The following PCDHA13 variants were observed in gnomAD, a reference collection of about 807,000 sequenced individuals.
PCDHA13 encodes protocadherin alpha-13.
In PCDHA13, 54 loss-of-function variants were observed where a neutral mutation model predicts 64.8. That is an observed-to-expected ratio of 0.83 (90% CI 0.67 to 1.04). PCDHA13 has a LOEUF of 1.04. Among genes scored for constraint, PCDHA13 ranks in the 50% least tolerant of loss-of-function variants. The probability of loss-of-function intolerance (pLI) is 0.00; values close to 1 mark genes in which losing one functional copy is unlikely to be tolerated. For synonymous variants in PCDHA13, 587 were observed against 564.4 expected, an observed-to-expected ratio of 1.04 and a Z score of -0.57; for missense variants, 1,248 against 1,254.3, an observed-to-expected ratio of 0.99 and a Z score of 0.08.
In PCDHA13 at chr5:141,008,942, A is replaced by G. The variant is rs544111760; in HGVS notation, c.2543-685A>G. Among the ~76,000 whole-genome samples the G allele has an allele frequency of 1.5e-4, 23 of 152,326 alleles. No homozygotes were observed. In the South Asian group the frequency reaches 4.8e-3, roughly 32 times the overall value. On this transcript the variant is annotated intron_variant, in intron 3 of 3. Transcript: ENST00000289272. ...ATTCAGCTAATTTTTCTTGTTTTGG[A>G]CAAAATAGACATCCTAATACATTTA...
intron 1 of PCDHA13, among the ~76,000 whole-genome samples, chr5:140,936,344 T>C (rs1403940424): frequency 6.6e-6 from 1 of 152,224 alleles, no homozygotes; most frequent in Non-Finnish European, 1.5e-5. Context: ...TATCTGCATA[T>C]ATGGAATGTG....
intron 1 of PCDHA13, among the ~76,000 whole-genome samples, chr5:140,973,301 A>C (rs1469183006): frequency 1.3e-5 from 2 of 152,034 alleles, no homozygotes; most frequent in Admixed American, 6.6e-5. Context: ...CTATCTGATG[A>C]CTCTATCCTG....
chr5:140,997,349 G>A (rs954510019), intron 3 of PCDHA13, among the ~76,000 whole-genome samples: 3 of 152,256 alleles, frequency 2.0e-5, no homozygotes, highest in South Asian at 2.1e-4. Context: ...ATCATAGAAT[G>A]TACTTACATA....
chr5:140,950,512 G>T (rs1239372084), intron 1 of PCDHA13, among the ~76,000 whole-genome samples: 11 of 152,016 alleles, frequency 7.2e-5, no homozygotes, highest in Non-Finnish European at 7.4e-5. Context: ...TATTCCCTGT[G>T]TGCGATATGA....
intron 1 of PCDHA13, among the ~76,000 whole-genome samples, chr5:140,953,945 C>T (rs189219030): frequency 8.5e-5 from 13 of 152,154 alleles, no homozygotes; most frequent in African/African-American, 3.1e-4. Flanking sequence ...TCCCATTGCT[C>T]CCCCAACAGG....
chr5:140,989,533 T>A (rs114286041), intron 3 of PCDHA13, among the ~76,000 whole-genome samples: 1 of 152,158 alleles, frequency 6.6e-6, no homozygotes, highest in Non-Finnish European at 1.5e-5. Context: ...AGGAGGAAGA[T>A]AGTTTGTAAT....
intron 1 of PCDHA13, among the ~76,000 whole-genome samples, chr5:140,908,378 C>T (rs951348145): frequency 2.6e-5 from 4 of 152,126 alleles, no homozygotes; most frequent in Admixed American, 6.6e-5. Context: ...AGGACCTGCT[C>T]GAGCCCGATC....
intron 3 of PCDHA13, among the ~76,000 whole-genome samples, chr5:141,000,496 C>T (rs1257530549): frequency 7.4e-6 from 1 of 134,362 alleles, no homozygotes; most frequent in Non-Finnish European, 1.5e-5. Context: ...GGTAAGATCT[C>T]GGCTCACTGC....
intron 1 of PCDHA13, among the ~76,000 whole-genome samples, chr5:140,960,552 A>T (rs1269039449): frequency 6.6e-6 from 1 of 152,162 alleles, no homozygotes; most frequent in Non-Finnish European, 1.5e-5. Flanking sequence ...CTTCATATAG[A>T]CTGAGCTTAG....
intron 1 of PCDHA13, among the ~76,000 whole-genome samples, chr5:140,905,999 G>T (rs781796509): frequency 1.3e-5 from 2 of 152,140 alleles, no homozygotes; most frequent in Non-Finnish European, 2.9e-5. Flanking sequence ...AGGCTGGGAG[G>T]CTAAGCCAGT....
chr5:141,001,381 A>G (rs1213919091), intron 3 of PCDHA13, among the ~76,000 whole-genome samples: 1 of 152,218 alleles, frequency 6.6e-6, no homozygotes, highest in Non-Finnish European at 1.5e-5. Context: ...TACAGAGCCT[A>G]AGATCCTACA....
intron 1 of PCDHA13, among the ~76,000 whole-genome samples, chr5:140,921,353 A>T (rs943655623): frequency 6.6e-6 from 1 of 152,160 alleles, no homozygotes; most frequent in Non-Finnish European, 1.5e-5. Context: ...ATATTTGCCT[A>T]TATTCAAGTT....
chr5:140,960,606 T>C (rs565459983), intron 1 of PCDHA13, among the ~76,000 whole-genome samples: 2 of 152,176 alleles, frequency 1.3e-5, no homozygotes, highest in African/African-American at 4.8e-5. Context: ...ACTTCAACAA[T>C]ATCTAGTGTG....
chr5:141,007,494 G>A (rs538537497), intron 3 of PCDHA13, among the ~76,000 whole-genome samples: 20 of 152,150 alleles, frequency 1.3e-4, no homozygotes, highest in African/African-American at 4.8e-4. Flanking sequence ...CTTGGACCTA[G>A]GAGGCAGAGA....
chr5:141,007,395 CAAAAAA>C (rs35800918), intron 3 of PCDHA13, among the ~76,000 whole-genome samples: 3 of 94,844 alleles, frequency 3.2e-5, no homozygotes, highest in East Asian at 2.9e-4. Flanking sequence ...TACTAAAATA[CAAAAAA>C]AAAAAAAAAA....
chr5:140,973,606 G>T (rs1554235444), intron 1 of PCDHA13, among the ~76,000 whole-genome samples: 1 of 152,204 alleles, frequency 6.6e-6, no homozygotes, highest in African/African-American at 2.4e-5. Flanking sequence ...TTATGGCTGA[G>T]CTCTTCTCTG....
intron 3 of PCDHA13, among the ~76,000 whole-genome samples, chr5:141,004,792 C>G (rs2098181519): frequency 6.6e-6 from 1 of 152,170 alleles, no homozygotes; most frequent in African/African-American, 2.4e-5. Flanking sequence ...CAGGCAGATT[C>G]TGGCTGAGCT....
intron 1 of PCDHA13, among the ~76,000 whole-genome samples, chr5:140,900,791 T>A (rs2068293056): frequency 6.6e-6 from 1 of 152,200 alleles, no homozygotes; most frequent in African/African-American, 2.4e-5. Flanking sequence ...TCCAAACTGT[T>A]CTCCATAGTG....
chr5:140,928,084 C>T (rs782346696), intron 1 of PCDHA13: 2 of 1,614,232 alleles, frequency 1.2e-6, no homozygotes, highest in Non-Finnish European at 1.7e-6. Context: ...CTACAGCCTG[C>T]TGATTGATGG....
Sources: gnomAD v4.1 joint callset for allele counts (sites outside exome capture counted in the v4.1 genomes callset) on GRCh38, gnomAD v4.1.1 for gene constraint, MANE v1.5 for transcripts, NCBI Gene and HGNC (gene_info 2026-07-23, HGNC 2026-07-21) for gene names.